SMARCAD1: variants seen among roughly 807,000 people sequenced by gnomAD.
SMARCAD1 encodes the protein SNF2 related chromatin remodeling ATPase with DExD box 1.
A neutral mutation model predicts 127.1 loss-of-function variants in SMARCAD1; 25 were observed. That is an observed-to-expected ratio of 0.20 (90% confidence interval 0.14 to 0.27). SMARCAD1 has a LOEUF of 0.27. SMARCAD1 is among the 10% of genes least tolerant of loss of function. The pLI, the probability that SMARCAD1 is intolerant of heterozygous loss-of-function variation, is 1.00. For synonymous variants in SMARCAD1, 400 were observed against 396.9 expected (o/e 1.01, Z -0.09); for missense variants, 807 against 1,206.0 (o/e 0.67, Z 4.90).
chr4:94,242,570 A>G (rs1288000617), intron 6 of SMARCAD1, among the ~76,000 whole-genome samples: 1 of 152,080 alleles, frequency 6.6e-6, no homozygotes, highest in Admixed American at 6.6e-5. Flanking sequence ...GCAGTTGTTC[A>G]CTTGGCTGGT....
chr4:94,276,807 A>G (rs930872265), intron 15 of SMARCAD1, among the ~76,000 whole-genome samples: 1 of 152,230 alleles, frequency 6.6e-6, no homozygotes, highest in African/African-American at 2.4e-5. Flanking sequence ...CAAGTTACCT[A>G]CTTATAAAAG....
rs1193827240 is a variant in SMARCAD1, at chr4:94,218,344, C to T, written c.191-7775C>T. Among the ~76,000 whole-genome samples, 3 of 151,768 alleles carry T rather than the reference C, an allele frequency of 2.0e-5. 1 individual carries two copies. Among genetic ancestry groups the T allele is most frequent in the South Asian group, 4.2e-4 (2 of 4,806 alleles). On this transcript the variant is annotated intron_variant, in intron 2 of 23. Transcript: ENST00000354268. Reference sequence around the variant, plus strand: ...TGTCCCCCAGACTGGAGTGCAGTGGCATGATCTCTCTCACTGCAACCCCCA... The same window carrying T: ...TGTCCCCCAGACTGGAGTGCAGTGGTATGATCTCTCTCACTGCAACCCCCA...
At chr4:94,225,376 A>G (rs112078463) in intron 2 of SMARCAD1, among the ~76,000 whole-genome samples, 238 of 152,196 alleles carry the variant, frequency 1.6e-3, no homozygotes, top group African/African-American at 5.4e-3. Context: ...CTTTTCTTAT[A>G]AGGACATCAG....
At chr4:94,286,222 CTT>C (rs1289496900) in intron 23 of SMARCAD1, among the ~76,000 whole-genome samples, 1 of 152,108 alleles carries the variant, frequency 6.6e-6, no homozygotes, top group Non-Finnish European at 1.5e-5. Context: ...GGTTTGTTCT[CTT>C]ATTTAAATAT....
chr4:94,250,853 GA>G lies in SMARCAD1; in HGVS notation c.889+24del. ...ACCAAGGTAATTATTCTGGGTCATAGAAAATACATACTTCTCATTATAGTCT... is the reference window on the plus strand; with the variant it reads ...ACCAAGGTAATTATTCTGGGTCATAGAAATACATACTTCTCATTATAGTCT... On this transcript the variant is annotated intron_variant, in intron 8 of 23. Transcript: ENST00000354268. 6.4e-7 allele frequency: 1 copy of G among 1,550,860 alleles called. No homozygotes were observed. Among genetic ancestry groups the G allele is most frequent in the Non-Finnish European group, 8.9e-7 (1 of 1,123,098 alleles).
intron 23 of SMARCAD1, among the ~76,000 whole-genome samples, chr4:94,288,713 A>C (rs1755310105): frequency 6.6e-6 from 1 of 152,156 alleles, no homozygotes. Flanking sequence ...CTAATTTATA[A>C]AATTATTCAT....
intron 2 of SMARCAD1, among the ~76,000 whole-genome samples, chr4:94,210,263 C>T (rs1255517830): frequency 1.1e-4 from 17 of 152,124 alleles, no homozygotes; most frequent in Non-Finnish European, 2.2e-4. Context: ...AATAAGAAAA[C>T]TAAGTTTGTT....
Position 94,208,683 on chromosome 4 carries a change from T to A in SMARCAD1, c.190+99T>A. Reference sequence around the variant, plus strand: ...TTTTTATTCTTGATGTCATATATATTGATGCATTGTCCTGCGGTGTGCCCT... The same window carrying A: ...TTTTTATTCTTGATGTCATATATATAGATGCATTGTCCTGCGGTGTGCCCT... On this transcript the variant is annotated intron_variant, in intron 2 of 23. Transcript: ENST00000354268. 3 of 1,149,452 alleles carry A rather than the reference T, an allele frequency of 2.6e-6. No homozygotes were observed. The South Asian group carries it at 3.9e-5, about 15-fold the overall frequency. The allele number at this position is 1,149,452 out of a possible 1,614,324, so 71.2% of individuals were successfully genotyped here.
intron 7 of SMARCAD1, among the ~76,000 whole-genome samples, chr4:94,250,340 A>T (rs1749102982): frequency 6.6e-6 from 1 of 152,084 alleles, no homozygotes; most frequent in Non-Finnish European, 1.5e-5. Context: ...TTCAGATAGT[A>T]CATCTACTAA....
intron 6 of SMARCAD1, 22 bp from the exon 7 acceptor site, chr4:94,249,627 GTTTTC>G (rs1201692270): frequency 4.1e-6 from 5 of 1,226,914 alleles, no homozygotes; most frequent in East Asian, 2.3e-5. Flanking sequence ...CTCTTAAATT[GTTTTC>G]TTTTTTTTTT....
chr4:94,279,068 T>C lies in SMARCAD1; in HGVS notation c.2418+18T>C, dbSNP rs1461244936. On this transcript the variant is annotated intron_variant, in intron 19 of 23. Transcript: ENST00000354268. ...TGCTAAAGGTAAGGATTTCATATTA[T>C]GTTAACACTAAGCTTTAATAAGAGG... The C allele has an allele frequency of 1.2e-6, 2 of 1,613,912 alleles. No homozygotes were observed. The highest frequency in any genetic ancestry group is 4.5e-5 in the East Asian group (2 of 44,846).
rs1356295166 is a variant in SMARCAD1 at position 94,212,979 on chromosome 4, A to G, written c.190+4395A>G. The G allele has an allele frequency of 9.5e-5, 88 of 926,748 alleles. 1 individual carries two copies. The highest frequency in any genetic ancestry group is 7.5e-4 in the South Asian group (55 of 73,696). 57.4% of individuals were successfully genotyped at this position (926,748 alleles called of 1,614,324 possible). On this transcript the variant is annotated intron_variant, in intron 2 of 23. Coordinates refer to ENST00000354268, the MANE Select transcript of SMARCAD1 (RefSeq NM_020159.5). ...CTCTTCTCGGTGCCCAAAGTTGTCAATGATTGTTATTTACACATTATTTCT... is the reference window on the plus strand; with the variant it reads ...CTCTTCTCGGTGCCCAAAGTTGTCAGTGATTGTTATTTACACATTATTTCT...
rs548301906 is a variant in SMARCAD1 at position 94,290,503 on chromosome 4, G to A, written c.*969G>A. 1.3e-5 allele frequency: 6 copies of A among 454,310 alleles called. No homozygotes were observed. The highest frequency in any genetic ancestry group is 2.6e-5 in the Non-Finnish European group (6 of 226,764). The allele number at this position is 454,310 out of a possible 1,614,324, so 28.1% of individuals were successfully genotyped here. On this transcript the variant is annotated 3_prime_UTR_variant, in exon 24 of 24. Transcript: ENST00000354268. ...TGACTTCATCTAAAGGCAGCATTAGGTACTGCATGGAAATAGGTCATTAAC... is the reference window on the plus strand; with the variant it reads ...TGACTTCATCTAAAGGCAGCATTAGATACTGCATGGAAATAGGTCATTAAC...
chr4:94,225,760 AATT>A (rs1744890401), intron 2 of SMARCAD1, among the ~76,000 whole-genome samples: 1 of 152,232 alleles, frequency 6.6e-6, no homozygotes. Context: ...GGCTTAGAGA[AATT>A]AATAAGATGA....
chr4:94,274,086 A>G (rs1752927577), intron 12 of SMARCAD1, among the ~76,000 whole-genome samples: 1 of 152,194 alleles, frequency 6.6e-6, no homozygotes, highest in African/African-American at 2.4e-5. Context: ...TTCTTTCTCA[A>G]TTCGTTGGAT....
intron 22 of SMARCAD1, among the ~76,000 whole-genome samples, chr4:94,284,569 G>T (rs1257952142): frequency 4.5e-5 from 4 of 88,546 alleles, no homozygotes; most frequent in Admixed American, 1.3e-4. Context: ...AGCTAATTTT[G>T]GTTTTTGTTT....
chr4:94,249,113 C>T (rs942337940), intron 6 of SMARCAD1, among the ~76,000 whole-genome samples: 1 of 152,054 alleles, frequency 6.6e-6, no homozygotes, highest in Non-Finnish European at 1.5e-5. Context: ...ATTAATTAAT[C>T]TGTTCGGTTT....
intron 9 of SMARCAD1, among the ~76,000 whole-genome samples, chr4:94,259,437 TTAGA>T (rs1750624863): frequency 1.3e-5 from 2 of 152,230 alleles, no homozygotes; most frequent in Non-Finnish European, 1.5e-5. Context: ...TGGATTGTTA[TTAGA>T]TAGATCTAAA....
In SMARCAD1 at chr4:94,278,627, G is replaced by T; in HGVS notation, c.2190G>T (p.Gln730His). 1.9e-6 allele frequency: 3 copies of T among 1,613,954 alleles called. No homozygotes were observed. The highest frequency in any genetic ancestry group is 2.5e-6 in the Non-Finnish European group (3 of 1,179,976). ...TTTTTCTGTCTCAGGTTCTCAAGCA[G>T]TTACCCCCCAAGAAAGATCGAATTG... ...LRRVKEEVLK[Q>H]LPPKKDRIEL... The change falls in exon 18 of 24, where the codon CAG becomes CAT. Residue 730 changes from glutamine (Q) to histidine (H), a missense_variant. Physicochemically the swap from Gln to His is conservative, Grantham distance 24. This residue lies in a region of SMARCAD1 where 148 missense variants were observed against 313.2 expected (regional missense o/e 0.47). Transcript: ENST00000354268.
Sources: gnomAD v4.1 joint callset for allele counts (sites outside exome capture counted in the v4.1 genomes callset) on GRCh38, gnomAD v4.1.1 for gene constraint, gnomAD v4.1.1 regional missense constraint, MANE v1.5 for transcripts, NCBI Gene and HGNC (gene_info 2026-07-23, HGNC 2026-07-21) for gene names.